The following LCN15 variants were observed in gnomAD, a reference collection of about 807,000 sequenced individuals.
LCN15 encodes lipocalin-15.
In LCN15, 26 loss-of-function variants were observed where a neutral mutation model predicts 23.1. That is an observed-to-expected ratio of 1.13 (90% confidence interval 0.82 to 1.56). LCN15 has a LOEUF of 1.56. Among genes scored for constraint, LCN15 ranks in the 40% most tolerant of loss-of-function variants. LCN15 has a pLI of 0.00. For synonymous variants in LCN15, 107 were observed against 98.3 expected, an observed-to-expected ratio of 1.09 and a Z score of -0.52; for missense variants, 241 against 239.5, an observed-to-expected ratio of 1.01 and a Z score of -0.04.
chr9:136,763,384 C>T lies in LCN15; in HGVS notation c.391G>A (p.Ala131Thr). 1.2e-6 allele frequency: 2 copies of T among 1,600,976 alleles called. No homozygotes were observed. The highest frequency in any genetic ancestry group is 1.7e-6 in the Non-Finnish European group (2 of 1,173,986). The change falls in exon 4 of 7, where the codon GCC becomes ACC. Residue 131 changes from alanine (A) to threonine (T), a missense_variant. By Grantham distance (58) the Ala-to-Thr change is moderately conservative. Coordinates refer to ENST00000316144, the MANE Select transcript of LCN15 (RefSeq NM_203347.2). ...VLYIYKELEG[A>T]LSTMVQLYSR... ...TAGAGCTGCACCATGGTGCTGAGGG[C>T]CCCCTCCAGCTCCTTGTAGATGTAA...
intron 4 of LCN15, 101 bp downstream of exon 4, chr9:136,763,256 G>C (rs532649133): frequency 3.1e-6 from 2 of 655,366 alleles, no homozygotes. Context: ...GTGAGGAGGC[G>C]CGGGGCGGCA....
chr9:136,764,288 G>T, intron 1 of LCN15, 105 bp downstream of exon 1: 1 of 1,176,358 alleles, frequency 8.5e-7, no homozygotes, highest in Non-Finnish European at 1.2e-6. Context: ...TGCCTGGCCG[G>T]GCACAGAGCA....
rs778213597 is a variant in LCN15, at chr9:136,763,415, G to A, written c.360C>T (p.Ala120=). 2 of 1,609,810 alleles carry A rather than the reference G, an allele frequency of 1.2e-6. No homozygotes were observed. The highest frequency in any genetic ancestry group is 8.5e-7 in the Non-Finnish European group (1 of 1,178,554). ...CCAGCTCCTTGTAGATGTAAAGGACGGCGAAGGAGCTGTAGTCTGTGTCCA... is the reference window on the plus strand; with the variant it reads ...CCAGCTCCTTGTAGATGTAAAGGACAGCGAAGGAGCTGTAGTCTGTGTCCA... ...RIVDTDYSSF[A]VLYIYKELEG... is the part of the protein sequence containing the mutation. The change falls in exon 4 of 7, where the codon GCC becomes GCT. Residue 120 remains alanine, a synonymous_variant. Coordinates refer to ENST00000316144, the MANE Select transcript of LCN15 (RefSeq NM_203347.2).
chr9:136,763,698 G>A lies in LCN15; in HGVS notation c.307+15C>T, dbSNP rs1240414487. 1 of 1,612,808 alleles carries A rather than the reference G, an allele frequency of 6.2e-7. No homozygotes were observed. The highest frequency in any genetic ancestry group is 8.5e-7 in the Non-Finnish European group (1 of 1,179,646). ...GGCATCCAGCACCCCTGAAGGCAGAGGAGGCAGGACCTACCCGGGACTCTG... is the reference window on the plus strand; with the variant it reads ...GGCATCCAGCACCCCTGAAGGCAGAAGAGGCAGGACCTACCCGGGACTCTG... On this transcript the variant is annotated intron_variant, in intron 3 of 6. Transcript: ENST00000316144.
At position 136,761,228 on chromosome 9, in the gene LCN15, C is replaced by A. The variant is rs1410996848; in HGVS notation, c.*32+559G>T. Reference sequence around the variant, plus strand: ...GGACATCTTGATTTTGGACTTCTGGCCTCCAGAACTGGGAGAGATAAACGT... The same window carrying A: ...GGACATCTTGATTTTGGACTTCTGGACTCCAGAACTGGGAGAGATAAACGT... On this transcript the variant is annotated intron_variant, in intron 6 of 6. Transcript: ENST00000316144. The surrounding 1 kb of genome is among the most constrained non-coding windows in gnomAD (Gnocchi z 4.2). Among the ~76,000 whole-genome samples the A allele has an allele frequency of 6.6e-6, 1 of 152,200 alleles. No individual in the cohort carries two copies. Among genetic ancestry groups the A allele is most frequent in the Non-Finnish European group, 1.5e-5 (1 of 68,032 alleles).
At chr9:136,762,348 TC>T in intron 4 of LCN15, 59 bp from the exon 5 acceptor site, 1 of 989,268 alleles carries the variant, frequency 1.0e-6, no homozygotes, top group Non-Finnish European at 1.6e-6. Context: ...GCACGGGGTC[TC>T]CTGGCCTCAC....
intron 3 of LCN15, 27 bp from the exon 4 acceptor site, chr9:136,763,494 G>T (rs1228848976): frequency 6.6e-7 from 1 of 1,519,472 alleles, no homozygotes; most frequent in East Asian, 2.3e-5. Context: ...GGCCTTTTCA[G>T]GCTGGAGAAG....
At position 136,761,737 on chromosome 9, in the gene LCN15, G is replaced by A. The variant is rs1847319433; in HGVS notation, c.*32+50C>T. 1 of 898,140 alleles carries A rather than the reference G, an allele frequency of 1.1e-6. No individual in the cohort carries two copies. Among genetic ancestry groups the A allele is most frequent in the Non-Finnish European group, 1.5e-6 (1 of 677,160 alleles). 55.6% of individuals were successfully genotyped at this position (898,140 alleles called of 1,614,324 possible). A position where few individuals can be genotyped will look rare whatever the true frequency, so the allele number is the denominator to read the frequency against. ...CAGAACCAGATGTCAAGCTGCGATA[G>A]GGAGGGGAGAGGCAACCAGGGCATC... is the stretch of plus-strand genomic sequence containing the variant. On this transcript the variant is annotated intron_variant, in intron 6 of 6. Transcript: ENST00000316144. This position sits in a 1 kb window ranked among gnomAD's most constrained non-coding sequence, Gnocchi z 4.2.
Position 136,763,418 on chromosome 9 carries a change from G to A in LCN15, c.357C>T (p.Phe119=). 6.2e-7 allele frequency: 1 copy of A among 1,609,988 alleles called. No homozygotes were observed. The highest frequency in any genetic ancestry group is 1.7e-5 in the Admixed American group (1 of 59,746). ...GCTCCTTGTAGATGTAAAGGACGGCGAAGGAGCTGTAGTCTGTGTCCACGA... is the reference window on the plus strand; with the variant it reads ...GCTCCTTGTAGATGTAAAGGACGGCAAAGGAGCTGTAGTCTGTGTCCACGA... ...VRIVDTDYSS[F]AVLYIYKELE... The change falls in exon 4 of 7, where the codon TTC becomes TTT. Residue 119 remains phenylalanine, a synonymous_variant. Coordinates refer to ENST00000316144, the MANE Select transcript of LCN15 (RefSeq NM_203347.2).
chr9:136,763,588 G>A (rs1847346653), intron 3 of LCN15, 121 bp from the exon 4 acceptor site: 1 of 1,255,978 alleles, frequency 8.0e-7, no homozygotes, highest in South Asian at 1.4e-5. Context: ...GAGGAGGGGC[G>A]GGGAGGGCGG....
intron 1 of LCN15, 125 bp downstream of exon 1, chr9:136,764,268 C>G (rs899987647): frequency 5.2e-6 from 5 of 961,552 alleles, no homozygotes; most frequent in Non-Finnish European, 7.9e-6. Context: ...CAGAGTGGGT[C>G]TATAGCACGT....
chr9:136,760,758 A>C (rs10870121), intron 6 of LCN15, among the ~76,000 whole-genome samples: 108,054 of 152,132 alleles, frequency 0.71, 39,014 homozygotes, highest in East Asian at 0.86. Context: ...TCCCACAATT[A>C]CAAGGCAGGA....
rs1441433805 is a variant in LCN15, at chr9:136,761,329, C to T, written c.*32+458G>A. ...AGGCTGGACTGTAATGGTGCAATCTCGGCTCACCGCAACCTCCGCCTCCTG... is the reference window on the plus strand; with the variant it reads ...AGGCTGGACTGTAATGGTGCAATCTTGGCTCACCGCAACCTCCGCCTCCTG... On this transcript the variant is annotated intron_variant, in intron 6 of 6. Transcript: ENST00000316144. The surrounding 1 kb of genome is among the most constrained non-coding windows in gnomAD (Gnocchi z 4.2). 1.3e-5 allele frequency among the ~76,000 whole-genome samples: 2 copies of T among 152,188 alleles called. No individual in the cohort carries two copies. Among genetic ancestry groups the T allele is most frequent in the Admixed American group, 6.5e-5 (1 of 15,278 alleles).
intron 1 of LCN15, 22 bp from the exon 2 acceptor site, chr9:136,764,031 G>A (rs374785774): frequency 2.4e-5 from 38 of 1,609,316 alleles, no homozygotes; most frequent in Middle Eastern, 3.3e-4. Flanking sequence ...TTAGTCACCC[G>A]CAGGCCAGGA....
Position 136,763,767 on chromosome 9 carries a change from G to A in LCN15, c.253C>T (p.Gln85Ter). The change falls in exon 3 of 7, where the codon CAG becomes TAG. Residue 85 changes from glutamine to a stop codon, truncating the protein, a stop_gained. Transcript: ENST00000316144. LOFTEE classifies it high-confidence loss of function. ...ACCTTCAGGTACTCGGCATCCACCTGGTTACAGCCGTCCGCCCTGGGGGTG... is the reference window on the plus strand; with the variant it reads ...ACCTTCAGGTACTCGGCATCCACCTAGTTACAGCCGTCCGCCCTGGGGGTG... ...MEFPGADGCN[Q>*]VDAEYLKVGS... The A allele has an allele frequency of 6.2e-7, 1 of 1,613,520 alleles. No homozygotes were observed. Among genetic ancestry groups the A allele is most frequent in the Non-Finnish European group, 8.5e-7 (1 of 1,179,984 alleles).
chr9:136,760,284 C>G (rs1847301625), intron 6 of LCN15, among the ~76,000 whole-genome samples: 2 of 152,170 alleles, frequency 1.3e-5, no homozygotes, highest in African/African-American at 2.4e-5. Flanking sequence ...TTGGTGTTGC[C>G]CCCCATGTTT....
At position 136,761,364 on chromosome 9, in the gene LCN15, G is replaced by T. The variant is rs370497560; in HGVS notation, c.*32+423C>A. ...CAACCTCCGCCTCCTGGGTTCAGGC[G>T]ATTCTCCTGCCTCAGCCTCACAAGT... On this transcript the variant is annotated intron_variant, in intron 6 of 6. Transcript: ENST00000316144. The surrounding 1 kb of genome is among the most constrained non-coding windows in gnomAD (Gnocchi z 4.2). Among the ~76,000 whole-genome samples, 4 of 152,202 alleles carry T rather than the reference G, an allele frequency of 2.6e-5. No homozygotes were observed. Among genetic ancestry groups the T allele is most frequent in the African/African-American group, 9.7e-5 (4 of 41,426 alleles).
chr9:136,760,650 G>T (rs1197328892), intron 6 of LCN15, among the ~76,000 whole-genome samples: 3 of 152,238 alleles, frequency 2.0e-5, no homozygotes, highest in Non-Finnish European at 4.4e-5. Flanking sequence ...TTTAGGGGGG[G>T]ATCTCCGCAA....
At chr9:136,762,079 CCACCTGCTGCCCGCA>C in intron 5 of LCN15, 94 bp downstream of exon 5, 1 of 799,588 alleles carries the variant, frequency 1.3e-6, no homozygotes, top group East Asian at 2.9e-5. Flanking sequence ...GAAGAGAAGA[CCACCTGCTGCCCGCA>C]CACTGCCTGT....
Sources: gnomAD v4.1 joint callset for allele counts (sites outside exome capture counted in the v4.1 genomes callset) on GRCh38, gnomAD v4.1.1 for gene constraint, Gnocchi (gnomAD v3.1) non-coding constraint, MANE v1.5 for transcripts, NCBI Gene and HGNC (gene_info 2026-07-23, HGNC 2026-07-21) for gene names.